Variants in KDM6A observed in about 807,000 individuals in gnomAD.
KDM6A encodes the protein lysine demethylase 6A, also known as lysine-specific demethylase 6A.
A neutral mutation model predicts 117.6 loss-of-function variants in KDM6A; 11 were observed. The observed-to-expected ratio is 0.09, with a 90% CI of 0.06 to 0.15. The LOEUF is 0.15. Among genes scored for constraint, KDM6A ranks in the 10% least tolerant of loss-of-function variants. The pLI is 1.00. For missense variants in KDM6A, 799 were observed against 1,077.3 expected (o/e 0.74, Z 3.62); for synonymous variants, 384 against 396.1 (o/e 0.97, Z 0.36).
At chrX:44,911,137 T>A (rs1366023690) in intron 2 of KDM6A, among the ~76,000 whole-genome samples, 3 of 98,401 alleles carry the variant, frequency 3.0e-5, no homozygotes, top group African/African-American at 1.2e-4. Context: ...GGCCCCCACC[T>A]CCCTCCCGGA....
At chrX:45,047,539 T>A (rs1318719637) in intron 8 of KDM6A, among the ~76,000 whole-genome samples, 1 of 108,811 alleles carries the variant, frequency 9.2e-6, no homozygotes, top group African/African-American at 3.3e-5. Flanking sequence ...TTTTTTAAAT[T>A]TCAGATTAAC....
At chrX:44,878,655 T>C (rs2031926067) in intron 2 of KDM6A, among the ~76,000 whole-genome samples, 1 of 111,734 alleles carries the variant, frequency 8.9e-6, no homozygotes, top group Non-Finnish European at 1.9e-5. Flanking sequence ...AGTAAATAGT[T>C]CTTTCTGTCG....
intron 2 of KDM6A, among the ~76,000 whole-genome samples, chrX:44,904,795 G>A (rs1313549085): frequency 8.9e-6 from 1 of 111,801 alleles, no homozygotes; most frequent in Non-Finnish European, 1.9e-5. Flanking sequence ...CTACTGCAGA[G>A]CTGTATGGAG....
At chrX:45,043,877 TTTGA>T (rs1487619016) in intron 8 of KDM6A, among the ~76,000 whole-genome samples, 1 of 112,629 alleles carries the variant, frequency 8.9e-6, no homozygotes, top group Non-Finnish European at 1.9e-5. Flanking sequence ...ACAATGATGT[TTTGA>T]TTAACAAAGG....
At chrX:44,951,759 CTTT>C (rs1363730842) in intron 2 of KDM6A, among the ~76,000 whole-genome samples, 1 of 110,697 alleles carries the variant, frequency 9.0e-6, no homozygotes, top group Non-Finnish European at 1.9e-5. Flanking sequence ...TTGCACATGA[CTTT>C]AGGTCCCTGG....
chrX:44,936,424 A>G (rs1335760576), intron 2 of KDM6A, among the ~76,000 whole-genome samples: 3 of 111,646 alleles, frequency 2.7e-5, no homozygotes, highest in Non-Finnish European at 5.6e-5. Context: ...TTGTGGTCAT[A>G]CTTTCCATGT....
chrX:45,083,592 A>G lies in KDM6A; in HGVS notation c.3573A>G (p.Pro1191=), dbSNP rs1260724140. Residue 1191 remains proline, a synonymous_variant, in exon 24 of 30, where the codon CCA becomes CCG. Coordinates refer to ENST00000611820, the MANE Select transcript of KDM6A (RefSeq NM_001291415.2). ...CAGTTCAACTATACATGAAAGTTCC[A>G]GGGAGCAGAACACCAGGTAATTTGT... ...MNTVQLYMKV[P]GSRTPGHQEN... 2 of 1,206,498 alleles carry G rather than the reference A, an allele frequency of 1.7e-6. No individual in the cohort carries two copies. The highest frequency in any genetic ancestry group is 2.2e-6 in the Non-Finnish European group (2 of 891,958).
intron 2 of KDM6A, among the ~76,000 whole-genome samples, chrX:44,958,743 T>C (rs1420737872): frequency 9.2e-6 from 1 of 108,641 alleles, no homozygotes; most frequent in Non-Finnish European, 1.9e-5. Context: ...AAAGCTACTG[T>C]ACAGGGATAA....
At chrX:45,051,584 A>G (rs1426745058) in intron 8 of KDM6A, 125 bp from the exon 9 acceptor site, 8 of 445,525 alleles carry the variant, frequency 1.8e-5, no homozygotes, top group Non-Finnish European at 3.1e-5. Context: ...TAATGGAATC[A>G]GCACTTTTTT....
intron 10 of KDM6A, among the ~76,000 whole-genome samples, chrX:45,056,126 G>A (rs1374811886): frequency 9.0e-6 from 1 of 110,865 alleles, no homozygotes; most frequent in East Asian, 2.8e-4. Flanking sequence ...CTAAATAAAG[G>A]ATACTTATCA....
rs2045280727 is a variant in KDM6A at position 45,079,328 on chromosome X, T to G, written c.3277T>G (p.Ser1093Ala). 8.5e-7 allele frequency: 1 copy of G among 1,180,607 alleles called. No homozygotes were observed. Among genetic ancestry groups the G allele is most frequent in the African/African-American group, 1.7e-5 (1 of 57,294 alleles). The change falls in exon 21 of 30, where the codon TCC (serine) becomes GCC (alanine). Residue 1093 changes from serine (S) to alanine (A), a missense_variant. Coordinates refer to ENST00000611820, the MANE Select transcript of KDM6A (RefSeq NM_001291415.2). ...TGCTAAATATGCACAGTACCAGGCCTCCTCATTCCAGGAATCATTGAGAGT... is the reference window on the plus strand; with the variant it reads ...TGCTAAATATGCACAGTACCAGGCCGCCTCATTCCAGGAATCATTGAGAGT... ...TIAKYAQYQASSFQESLREEN... is the reference protein window; with the variant it reads ...TIAKYAQYQAASFQESLREEN...
intron 18 of KDM6A, among the ~76,000 whole-genome samples, chrX:45,071,434 A>T (rs2044827621): frequency 8.9e-6 from 1 of 111,796 alleles, no homozygotes; most frequent in Admixed American, 9.5e-5. Flanking sequence ...TGTCTTATTT[A>T]TTGTTATGTA....
intron 2 of KDM6A, among the ~76,000 whole-genome samples, chrX:44,881,554 A>AT (rs746446113): frequency 4.5e-4 from 50 of 110,311 alleles, no homozygotes; most frequent in African/African-American, 1.6e-3. Context: ...AGCTTTTATT[A>AT]TTTTTTCTCT....
intron 18 of KDM6A, among the ~76,000 whole-genome samples, chrX:45,071,494 C>T (rs2044830113): frequency 9.0e-6 from 1 of 111,386 alleles, no homozygotes; most frequent in South Asian, 3.7e-4. Flanking sequence ...TAGAAGGTAT[C>T]CTGGGTCTAC....
intron 2 of KDM6A, among the ~76,000 whole-genome samples, chrX:44,956,394 CTTCCTCTTCCTT>C (rs1338751967): frequency 9.1e-6 from 1 of 110,350 alleles, no homozygotes; most frequent in Non-Finnish European, 1.9e-5. Flanking sequence ...TCCTCTTCCT[CTTCCTCTTCCTT>C]TCCCTTTTCC....
chrX:45,083,150 C>G (rs1445757003), intron 23 of KDM6A, among the ~76,000 whole-genome samples: 1 of 108,024 alleles, frequency 9.3e-6, no homozygotes, highest in Non-Finnish European at 1.9e-5. Context: ...TGACTATATG[C>G]TAATTACATA....
intron 2 of KDM6A, among the ~76,000 whole-genome samples, chrX:44,932,796 A>T (rs2036714760): frequency 9.0e-6 from 1 of 111,576 alleles, no homozygotes. Context: ...TATGAGACTT[A>T]TCGTGAAAAA....
At chrX:44,992,503 G>A (rs1439130300) in intron 4 of KDM6A, among the ~76,000 whole-genome samples, 2 of 108,575 alleles carry the variant, frequency 1.8e-5, no homozygotes, top group Non-Finnish European at 3.8e-5. Flanking sequence ...GGTTATAGGC[G>A]TGAGCCAACG....
chrX:45,078,373 A>C (rs781702292), intron 19 of KDM6A, 27 bp from the exon 20 acceptor site: 3 of 1,170,107 alleles, frequency 2.6e-6, no homozygotes, highest in Non-Finnish European at 3.5e-6. Context: ...TTTTCCTGAG[A>C]TCTAACCACA....
Sources: gnomAD v4.1 joint callset for allele counts (sites outside exome capture counted in the v4.1 genomes callset) on GRCh38, gnomAD v4.1.1 for gene constraint, MANE v1.5 for transcripts, NCBI Gene and HGNC (gene_info 2026-07-23, HGNC 2026-07-21) for gene names.